The following SLC44A3 variants were observed in gnomAD, a reference collection of about 807,000 sequenced individuals.
The protein encoded by SLC44A3 is choline transporter-like protein 3.
SLC44A3 carries 74 observed loss-of-function variants against 75.4 expected under a neutral mutation model. That is an observed-to-expected ratio of 0.98 (90% CI 0.81 to 1.19). SLC44A3 has a LOEUF of 1.19. SLC44A3 is among the 50% of genes most tolerant of loss of function. SLC44A3 has a pLI of 0.00. For synonymous variants in SLC44A3, 310 were observed against 296.9 expected (o/e 1.04, Z -0.45); for missense variants, 700 against 778.6 (o/e 0.90, Z 1.20).
intron 9 of SLC44A3, among the ~76,000 whole-genome samples, chr1:94,854,409 C>T (rs1369110854): frequency 6.6e-6 from 1 of 152,220 alleles, no homozygotes; most frequent in Non-Finnish European, 1.5e-5. Context: ...GCTCTTCCCA[C>T]CACCATCCCC....
At chr1:94,863,580 T>C (rs1317122816) in intron 10 of SLC44A3, among the ~76,000 whole-genome samples, 13 of 152,174 alleles carry the variant, frequency 8.5e-5, no homozygotes, top group Admixed American at 6.5e-4. Context: ...GTGTGTCAGA[T>C]TTTCCTGGCC....
chr1:94,873,259 G>A (rs1238410072), intron 12 of SLC44A3, among the ~76,000 whole-genome samples: 1 of 152,166 alleles, frequency 6.6e-6, no homozygotes, highest in Non-Finnish European at 1.5e-5. Flanking sequence ...AAGTGACCCC[G>A]ATGCACCTTG....
chr1:94,872,904 G>A (rs1667917106), intron 12 of SLC44A3, among the ~76,000 whole-genome samples: 1 of 152,218 alleles, frequency 6.6e-6, no homozygotes, highest in Non-Finnish European at 1.5e-5. Context: ...TATCCATGGT[G>A]AGGACTTATC....
chr1:94,856,624 T>A (rs1210656799), intron 9 of SLC44A3, among the ~76,000 whole-genome samples: 1 of 152,236 alleles, frequency 6.6e-6, no homozygotes, highest in Non-Finnish European at 1.5e-5. Context: ...CACAAAGTCA[T>A]ATGGTAGGAA....
chr1:94,828,535 C>A lies in SLC44A3; in HGVS notation c.458C>A (p.Thr153Asn), dbSNP rs1172271509. 1 of 1,613,850 alleles carries A rather than the reference C, an allele frequency of 6.2e-7. No homozygotes were observed. ...TATAGTTTGAATTCCTTCAACTATA[C>A]CCACAGTCCAAAAGCAGACTCACTG... ...CVYSLNSFNY[T>N]HSPKADSLCP... is the part of the protein sequence containing the mutation. Residue 153 changes from threonine to asparagine, a missense_variant, in exon 5 of 15, where the codon ACC (threonine) becomes AAC (asparagine). Thr to Asn is a moderately conservative substitution (Grantham distance 65). Transcript: ENST00000271227.
In SLC44A3 at chr1:94,824,632, A is replaced by G. The variant is rs1661061861; in HGVS notation, c.275A>G (p.Lys92Arg). 6.3e-7 allele frequency: 1 copy of G among 1,578,744 alleles called. No homozygotes were observed. Among genetic ancestry groups the G allele is most frequent in the Admixed American group, 2.0e-5 (1 of 49,816 alleles). ...CTTTCAGGGCAGGACATGACCCTAA[A>G]AAAGTAAGTATCTAAATAAGTCCCC... is the stretch of plus-strand genomic sequence containing the variant. The part of the protein sequence containing the change: ...APLSGQDMTL[K>R]KHVFFMNSCN... Residue 92 changes from lysine to arginine, a missense_variant, in exon 3 of 15, where the codon AAA becomes AGA. Transcript: ENST00000271227.
rs778208592 is a variant in SLC44A3 at position 94,824,520 on chromosome 1, G to A, written c.163G>A (p.Ala55Thr). Residue 55 changes from alanine (A) to threonine (T), a missense_variant, in exon 3 of 15, where the codon GCT becomes ACT. Transcript: ENST00000271227. ...LVFIMGYSVVAGAAGRLLFGY... is the reference protein window; with the variant it reads ...LVFIMGYSVVTGAAGRLLFGY... Reference sequence around the variant, plus strand: ...GTTTATCATGGGCTACTCGGTGGTGGCTGGAGCCGCGGGAAGACTCCTCTT... The same window carrying A: ...GTTTATCATGGGCTACTCGGTGGTGACTGGAGCCGCGGGAAGACTCCTCTT... The A allele has an allele frequency of 1.2e-6, 2 of 1,609,426 alleles. No homozygotes were observed. The highest frequency in any genetic ancestry group is 3.4e-5 in the Admixed American group (2 of 58,482).
At chr1:94,876,519 TGACTGGCCAGA>T (rs1048950889) in intron 12 of SLC44A3, among the ~76,000 whole-genome samples, 2 of 152,220 alleles carry the variant, frequency 1.3e-5, no homozygotes, top group Non-Finnish European at 2.9e-5. Flanking sequence ...AAGGAAGTGA[TGACTGGCCAGA>T]GACTAGAGAA....
At chr1:94,882,589 A>G (rs1281371786) in intron 12 of SLC44A3, among the ~76,000 whole-genome samples, 6 of 152,200 alleles carry the variant, frequency 3.9e-5, no homozygotes, top group South Asian at 2.1e-4. Flanking sequence ...AGCTTGGGGG[A>G]TGAAGGTGAC....
intron 10 of SLC44A3, among the ~76,000 whole-genome samples, chr1:94,864,211 C>G (rs1377884021): frequency 6.6e-6 from 1 of 152,110 alleles, no homozygotes; most frequent in Non-Finnish European, 1.5e-5. Context: ...AGAGTAGAAA[C>G]CAGCAGGATT....
chr1:94,821,101 A>G, intron 2 of SLC44A3, 45 bp downstream of exon 2: 1 of 1,474,834 alleles, frequency 6.8e-7, no homozygotes, highest in South Asian at 1.2e-5. Flanking sequence ...GTGTGTGTGC[A>G]CGTCTGGAAA....
At position 94,842,158 on chromosome 1, in the gene SLC44A3, G is replaced by C. The variant is rs143214625; in HGVS notation, c.885+34G>C. The C allele has an allele frequency of 1.9e-6, 3 of 1,565,178 alleles. No homozygotes were observed. The African/African-American group carries it at 4.1e-5, about 21-fold the overall frequency. On this transcript the variant is annotated intron_variant, in intron 8 of 14. Transcript: ENST00000271227. ...TGCTCTTCTAGCAGTAGGTCAGGTA[G>C]CCAGCCAGGACTCTGAAATCCAAAT...
intron 10 of SLC44A3, among the ~76,000 whole-genome samples, chr1:94,859,747 G>A (rs966728128): frequency 6.6e-6 from 1 of 152,156 alleles, no homozygotes; most frequent in Non-Finnish European, 1.5e-5. Flanking sequence ...GGGAGTAAGT[G>A]AAAGCCTAAA....
intron 5 of SLC44A3, 116 bp from the exon 6 acceptor site, chr1:94,837,595 G>A (rs920829598): frequency 3.1e-6 from 3 of 958,968 alleles, no homozygotes; most frequent in South Asian, 2.2e-5. Context: ...CATGCTAGAC[G>A]CCTCTCTATT....
At chr1:94,844,789 G>A (rs1056684648) in intron 8 of SLC44A3, among the ~76,000 whole-genome samples, 1 of 152,180 alleles carries the variant, frequency 6.6e-6, no homozygotes, top group Non-Finnish European at 1.5e-5. Context: ...GTGGCTGGAT[G>A]GGGATGGAGG....
chr1:94,890,973 T>A (rs1475907475), intron 12 of SLC44A3, among the ~76,000 whole-genome samples, 157 bp from the exon 13 acceptor site: 1 of 152,252 alleles, frequency 6.6e-6, no homozygotes, highest in Non-Finnish European at 1.5e-5. Context: ...TATATATGGA[T>A]ATAATCAGAC....
chr1:94,822,637 G>C (rs1251576659), intron 2 of SLC44A3, among the ~76,000 whole-genome samples: 1 of 152,120 alleles, frequency 6.6e-6, no homozygotes, highest in African/African-American at 2.4e-5. Flanking sequence ...TGCAAATGCA[G>C]CACCAGCCTG....
chr1:94,842,920 C>T (rs1488457312), intron 8 of SLC44A3, among the ~76,000 whole-genome samples: 2 of 152,222 alleles, frequency 1.3e-5, no homozygotes, highest in African/African-American at 4.8e-5. Context: ...CACATTTTCT[C>T]CTTTCCACGG....
At position 94,827,541 on chromosome 1, in the gene SLC44A3, G is replaced by T. The variant is rs144779672; in HGVS notation, c.313G>T (p.Val105Phe). The stretch of plus-strand genomic sequence containing the variant: ...CTTTATGAATTCCTGCAACCTGGAA[G>T]TCAAAGGTACGCAGCTCAACCGCAT... ...VFFMNSCNLE[V>F]KGTQLNRMAL... The change falls in exon 4 of 15, where the codon GTC (valine) becomes TTC (phenylalanine). Residue 105 changes from valine to phenylalanine, a missense_variant. By Grantham distance (50) the Val-to-Phe change is conservative (BLOSUM62 -1). Transcript: ENST00000271227. The T allele has an allele frequency of 1.2e-6, 2 of 1,614,058 alleles. No individual in the cohort carries two copies. The highest frequency in any genetic ancestry group is 1.3e-5 in the African/African-American group (1 of 74,924).
Sources: gnomAD v4.1 joint callset for allele counts (sites outside exome capture counted in the v4.1 genomes callset) on GRCh38, gnomAD v4.1.1 for gene constraint, MANE v1.5 for transcripts, NCBI Gene and HGNC (gene_info 2026-07-23, HGNC 2026-07-21) for gene names.